PLCG2: variants seen among roughly 807,000 people sequenced by gnomAD.
PLCG2 encodes the protein 1-phosphatidylinositol 4,5-bisphosphate phosphodiesterase gamma-2.
In PLCG2, 69 loss-of-function variants were observed where a neutral mutation model predicts 175.6. The ratio of observed to expected loss-of-function variants is 0.39; its 90% CI spans 0.32 to 0.48. PLCG2 has a LOEUF of 0.48. Among genes scored for constraint, PLCG2 ranks in the 20% least tolerant of loss-of-function variants. The pLI, the probability that PLCG2 is intolerant of heterozygous loss-of-function variation, is 0.91. For synonymous variants in PLCG2, 827 were observed against 624.0 expected, an observed-to-expected ratio of 1.33 and a Z score of -4.85; for missense variants, 1,798 against 1,650.9, an observed-to-expected ratio of 1.09 and a Z score of -1.54.
At chr16:81,925,201 C>T (rs1417743255) in intron 22 of PLCG2, among the ~76,000 whole-genome samples, 1 of 152,198 alleles carries the variant, frequency 6.6e-6, no homozygotes, top group East Asian at 1.9e-4. Context: ...GTGGGCAAAC[C>T]GCCCAGCGGC....
intron 10 of PLCG2, among the ~76,000 whole-genome samples, chr16:81,889,606 C>A (rs1908536725): frequency 1.3e-5 from 2 of 151,930 alleles, no homozygotes; most frequent in Non-Finnish European, 1.5e-5. Context: ...CTCAAATCAT[C>A]CTCCCTTTCA....
intron 2 of PLCG2, among the ~76,000 whole-genome samples, chr16:81,808,987 C>T (rs192743723): frequency 6.6e-6 from 1 of 152,298 alleles, no homozygotes; most frequent in East Asian, 1.9e-4. Context: ...TGGTGTCTAC[C>T]AGGCATTGTC....
At chr16:81,774,926 G>A (rs1236945700), upstream of PLCG2, among the ~76,000 whole-genome samples, 3 of 151,968 alleles carry the variant, frequency 2.0e-5, no homozygotes, top group African/African-American at 7.2e-5. Flanking sequence ...AAAGTTTTTT[G>A]TAGAGATGGA....
At chr16:81,791,610 G>A (rs540049149) in intron 2 of PLCG2, among the ~76,000 whole-genome samples, 1 of 152,300 alleles carries the variant, frequency 6.6e-6, no homozygotes, top group Admixed American at 6.5e-5. Flanking sequence ...TGTCACCCAG[G>A]CTGGAGTGCA....
At chr16:81,920,106 C>T (rs184502050) in intron 20 of PLCG2, among the ~76,000 whole-genome samples, 13 of 152,194 alleles carry the variant, frequency 8.5e-5, no homozygotes, top group Middle Eastern at 3.4e-3. Flanking sequence ...TCAGCATGGC[C>T]GGAATCAAGC....
chr16:81,763,898 C>T (rs567406428), intron 2 of PLCG2, among the ~76,000 whole-genome samples: 15 of 152,022 alleles, frequency 9.9e-5, no homozygotes, highest in East Asian at 9.6e-4. Context: ...ACCCAGGAGT[C>T]GGAGGTTTCA....
intron 1 of PLCG2, chr16:81,785,709 C>T (rs772661744): frequency 4.0e-5 from 12 of 299,198 alleles, no homozygotes; most frequent in East Asian, 7.9e-5. Flanking sequence ...TCAAAGCCCA[C>T]GTAACGGTTG....
At chr16:81,910,490 C>G in intron 17 of PLCG2, 30 bp from the exon 18 acceptor site, 1 of 1,608,798 alleles carries the variant, frequency 6.2e-7, no homozygotes, top group Non-Finnish European at 8.5e-7. Context: ...CCTGCGTTCT[C>G]CCAGCACTGA....
At position 81,802,213 on chromosome 16, in the gene PLCG2, C is replaced by T. The variant is rs1263093852; in HGVS notation, c.193+16031C>T. Among the ~76,000 whole-genome samples the T allele has an allele frequency of 2.1e-5, 3 of 145,778 alleles. No individual in the cohort carries two copies. The East Asian group carries it at 6.5e-4, about 31-fold the overall frequency. On this transcript the variant is annotated intron_variant, in intron 2 of 32. Transcript: ENST00000564138. ...CTGCAAGCTCCGCCTCCCGGGTTCA[C>T]ACCATTCTCTTGCCTCAGCCTCCAC...
intron 5 of PLCG2, among the ~76,000 whole-genome samples, chr16:81,867,246 G>A (rs539475090): frequency 6.6e-6 from 1 of 152,328 alleles, no homozygotes; most frequent in South Asian, 2.1e-4. Flanking sequence ...AGGGAAACTA[G>A]GTGGTTTTCT....
At chr16:81,769,596 C>T (rs1238387836) in intron 2 of PLCG2, among the ~76,000 whole-genome samples, 1 of 151,926 alleles carries the variant, frequency 6.6e-6, no homozygotes, top group African/African-American at 2.4e-5. Flanking sequence ...GGGCGGATCA[C>T]GAGGTCAGGA....
chr16:81,832,264 C>T (rs1905291050), intron 2 of PLCG2, among the ~76,000 whole-genome samples: 1 of 152,170 alleles, frequency 6.6e-6, no homozygotes, highest in African/African-American at 2.4e-5. Flanking sequence ...ACCATCAGAG[C>T]CTCTCTCCTG....
chr16:81,821,952 G>C (rs901328068), intron 2 of PLCG2, among the ~76,000 whole-genome samples: 1 of 152,018 alleles, frequency 6.6e-6, no homozygotes, highest in African/African-American at 2.4e-5. Flanking sequence ...TTTGCAGGCT[G>C]TGTGATTTTG....
At chr16:81,891,628 C>T in intron 11 of PLCG2, 38 bp downstream of exon 11, 1 of 1,189,974 alleles carries the variant, frequency 8.4e-7, no homozygotes, top group Non-Finnish European at 1.3e-6. Context: ...TTGGGCAGCA[C>T]AGAGCACGTG....
At position 81,794,550 on chromosome 16, in the gene PLCG2, C is replaced by A. The variant is rs943104732; in HGVS notation, c.193+8368C>A. Among the ~76,000 whole-genome samples the A allele has an allele frequency of 4.6e-5, 7 of 152,156 alleles. No homozygotes were observed. In the East Asian group the frequency reaches 1.2e-3, roughly 25 times the overall value. ...GAAGGGCTGTCAAATCCTGGTCCTG[C>A]ACTTGGTAGGGGTGTGACCTTGGGT... is the stretch of plus-strand genomic sequence containing the variant. On this transcript the variant is annotated intron_variant, in intron 2 of 32. Coordinates refer to ENST00000564138, the MANE Select transcript of PLCG2 (RefSeq NM_002661.5).
At chr16:81,909,460 T>A (rs1254820072) in intron 17 of PLCG2, among the ~76,000 whole-genome samples, 2 of 152,214 alleles carry the variant, frequency 1.3e-5, no homozygotes, top group Non-Finnish European at 2.9e-5. Flanking sequence ...CTCTGTTGCC[T>A]AGGCTGTAGT....
intron 22 of PLCG2, among the ~76,000 whole-genome samples, chr16:81,924,561 A>C (rs1212463939): frequency 6.6e-6 from 1 of 152,238 alleles, no homozygotes; most frequent in Admixed American, 6.5e-5. Flanking sequence ...TTGAACCGCC[A>C]GGCCTTTTGA....
chr16:81,931,503 C>G lies in PLCG2; in HGVS notation c.2588C>G (p.Ala863Gly). 6.2e-7 allele frequency: 1 copy of G among 1,613,814 alleles called. No homozygotes were observed. Among genetic ancestry groups the G allele is most frequent in the South Asian group, 1.1e-5 (1 of 91,060 alleles). ...CTTATTCTCTTACCCCAAGTGAAAGCCCCTCAGGGAAAAAACCAGAAGTCC... is the reference window on the plus strand; with the variant it reads ...CTTATTCTCTTACCCCAAGTGAAAGGCCCTCAGGGAAAAAACCAGAAGTCC... ...LDLNTYNVVK[A>G]PQGKNQKSFV... Residue 863 changes from alanine to glycine, a missense_variant, in exon 25 of 33, where the codon GCC (alanine) becomes GGC (glycine). Physicochemically the swap from Ala to Gly is moderately conservative, Grantham distance 60. Coordinates refer to ENST00000564138, the MANE Select transcript of PLCG2 (RefSeq NM_002661.5).
chr16:81,886,509 C>T (rs1908375045), intron 9 of PLCG2, among the ~76,000 whole-genome samples: 1 of 152,154 alleles, frequency 6.6e-6, no homozygotes, highest in East Asian at 1.9e-4. Context: ...AGACACTTAT[C>T]CTAAGGAAAT....
Sources: allele counts gnomAD v4.1 joint callset (sites outside exome capture counted in the v4.1 genomes callset), GRCh38; gene constraint gnomAD v4.1.1; transcripts MANE v1.5; gene names NCBI Gene and HGNC (gene_info 2026-07-23, HGNC 2026-07-21).